Variants in GIGYF2 observed in about 807,000 individuals in gnomAD.
The protein encoded by GIGYF2 is GRB10-interacting GYF protein 2.
A neutral mutation model predicts 208.1 loss-of-function variants in GIGYF2; 25 were observed. The ratio of observed to expected loss-of-function variants is 0.12; its 90% CI spans 0.09 to 0.17. The LOEUF (loss-of-function observed/expected upper bound fraction) is 0.17. Among genes scored for constraint, GIGYF2 ranks in the 10% least tolerant of loss-of-function variants. GIGYF2 has a pLI of 1.00. For missense variants in GIGYF2, 1,302 were observed against 1,579.4 expected (o/e 0.82, Z 2.98); for synonymous variants, 534 against 543.8 (o/e 0.98, Z 0.25).
At chr2:232,848,664 CA>C (rs35960683) in intron 27 of GIGYF2, among the ~76,000 whole-genome samples, 25,000 of 151,958 alleles carry the variant, frequency 0.16, 2,610 homozygotes, top group Non-Finnish European at 0.22. Flanking sequence ...AAATCATTAA[CA>C]AAAAGCACAA....
intron 28 of GIGYF2, among the ~76,000 whole-genome samples, chr2:232,855,458 G>T (rs1186579226): frequency 1.3e-5 from 2 of 152,160 alleles, no homozygotes; most frequent in Non-Finnish European, 2.9e-5. Flanking sequence ...TTCCCTTTTG[G>T]TTAATCAAAC....
Position 232,760,245 on chromosome 2 carries a change from CTATTG to C in GIGYF2, c.380-234_380-230del. On this transcript the variant is annotated intron_variant, in intron 6 of 28. Transcript: ENST00000373563. The stretch of plus-strand genomic sequence containing the variant: ...GATACTTTCTTGTTCAGGACTGGGT[CTATTG>C]CATTATATTATGTTAGTTTTTTTAA... 6.4e-6 allele frequency: 3 copies of C among 468,286 alleles called. No individual in the cohort carries two copies. In the South Asian group the frequency reaches 7.1e-5, roughly 11 times the overall value. 29.0% of individuals were successfully genotyped at this position (468,286 alleles called of 1,614,324 possible). A position where few individuals can be genotyped will look rare whatever the true frequency, so the allele number is the denominator to read the frequency against.
chr2:232,757,288 C>T (rs1698585849), intron 6 of GIGYF2, among the ~76,000 whole-genome samples: 1 of 151,912 alleles, frequency 6.6e-6, no homozygotes, highest in Non-Finnish European at 1.5e-5. Flanking sequence ...AAAGTCTCCA[C>T]TTGTTTTGCT....
At chr2:232,816,782 A>G in intron 19 of GIGYF2, 89 bp from the exon 20 acceptor site, 3 of 969,840 alleles carry the variant, frequency 3.1e-6, no homozygotes, top group Non-Finnish European at 5.0e-6. Flanking sequence ...CAAGCAGCTG[A>G]TTGAATGAAC....
intron 21 of GIGYF2, among the ~76,000 whole-genome samples, chr2:232,828,970 A>G (rs1032817208): frequency 1.3e-5 from 2 of 152,218 alleles, no homozygotes; most frequent in Non-Finnish European, 2.9e-5. Context: ...AATGACAATT[A>G]GGTCAGGGTG....
At chr2:232,739,242 T>C (rs527337717) in intron 3 of GIGYF2, among the ~76,000 whole-genome samples, 1 of 151,542 alleles carries the variant, frequency 6.6e-6, no homozygotes, top group East Asian at 2.0e-4. Context: ...CCTGTAATTC[T>C]AGCTACTCAA....
intron 5 of GIGYF2, among the ~76,000 whole-genome samples, chr2:232,755,644 C>A (rs767040990): frequency 9.2e-5 from 14 of 152,142 alleles, no homozygotes; most frequent in Non-Finnish European, 2.1e-4. Flanking sequence ...ATTAAGTATT[C>A]CCTTCGTCTT....
intron 2 of GIGYF2, among the ~76,000 whole-genome samples, chr2:232,707,904 C>G (rs1465260066): frequency 6.6e-6 from 1 of 152,006 alleles, no homozygotes; most frequent in Non-Finnish European, 1.5e-5. Context: ...TCCCAAAGTG[C>G]TAGGATTATA....
At chr2:232,725,484 T>G (rs1159844824) in intron 2 of GIGYF2, among the ~76,000 whole-genome samples, 1 of 152,216 alleles carries the variant, frequency 6.6e-6, no homozygotes, top group African/African-American at 2.4e-5. Flanking sequence ...CTGCTTAACT[T>G]TTCTCTGTGC....
intron 2 of GIGYF2, among the ~76,000 whole-genome samples, chr2:232,703,892 T>G (rs1395372957): frequency 6.6e-6 from 1 of 152,214 alleles, no homozygotes; most frequent in Admixed American, 6.5e-5. Context: ...CTTTTTGTCC[T>G]GCTTTAATTG....
In GIGYF2 at chr2:232,847,350, C is replaced by A. The variant is rs200216092; in HGVS notation, c.3463C>A (p.Pro1155Thr). 8.6e-5 allele frequency: 138 copies of A among 1,610,764 alleles called. 1 individual carries two copies. The East Asian group carries it at 2.9e-3, about 34-fold the overall frequency. The change falls in exon 27 of 29, where the codon CCC becomes ACC. Residue 1155 changes from proline to threonine, a missense_variant and splice_region_variant. Physicochemically the swap from Pro to Thr is conservative, Grantham distance 38 (BLOSUM62 -1). Coordinates refer to ENST00000373563, the MANE Select transcript of GIGYF2 (RefSeq NM_001103146.3). ...ALNTANNLDV[P>T]TFVSFLKEVE... ...TCTTCTCCCCTCCCGTTTTGCAGTTCCCACATTTGTTTCTTTCCTGAAAGA... is the reference window on the plus strand; with the variant it reads ...TCTTCTCCCCTCCCGTTTTGCAGTTACCACATTTGTTTCTTTCCTGAAAGA...
chr2:232,792,517 C>T (rs879567330), intron 12 of GIGYF2, among the ~76,000 whole-genome samples: 7 of 152,096 alleles, frequency 4.6e-5, no homozygotes, highest in Admixed American at 1.3e-4. Context: ...TGGGGGAGAT[C>T]ACTTGAGCCC....
intron 2 of GIGYF2, among the ~76,000 whole-genome samples, chr2:232,706,430 G>A (rs1359644092): frequency 6.6e-6 from 1 of 152,120 alleles, no homozygotes; most frequent in Non-Finnish European, 1.5e-5. Context: ...GATCACTTGA[G>A]CCCAGGAGTT....
At chr2:232,830,083 C>G (rs1160631513) in intron 21 of GIGYF2, among the ~76,000 whole-genome samples, 1 of 152,114 alleles carries the variant, frequency 6.6e-6, no homozygotes, top group African/African-American at 2.4e-5. Flanking sequence ...GGGGCTCAAG[C>G]GATCCTCCTG....
intron 21 of GIGYF2, among the ~76,000 whole-genome samples, chr2:232,831,928 C>T (rs1355875227): frequency 1.3e-5 from 2 of 152,206 alleles, no homozygotes; most frequent in Non-Finnish European, 2.9e-5. Context: ...CTAGTTAACA[C>T]TGGAAGCTTA....
chr2:232,814,225 CA>C (rs1559451715), intron 18 of GIGYF2, among the ~76,000 whole-genome samples: 1 of 152,048 alleles, frequency 6.6e-6, no homozygotes, highest in Non-Finnish European at 1.5e-5. Context: ...TTAACACAAA[CA>C]TTTTTTTCAT....
intron 8 of GIGYF2, among the ~76,000 whole-genome samples, chr2:232,778,261 G>A (rs1353387493): frequency 6.6e-6 from 1 of 152,148 alleles, no homozygotes; most frequent in African/African-American, 2.4e-5. Context: ...TAGTAGGCAA[G>A]ACAGTTAAGG....
chr2:232,711,030 T>C (rs1407690183), intron 2 of GIGYF2, among the ~76,000 whole-genome samples: 1 of 151,948 alleles, frequency 6.6e-6, no homozygotes, highest in Non-Finnish European at 1.5e-5. Flanking sequence ...GTCAGTGATA[T>C]TGTATGCCCT....
At chr2:232,720,795 A>G (rs1006354684) in intron 2 of GIGYF2, among the ~76,000 whole-genome samples, 2 of 151,970 alleles carry the variant, frequency 1.3e-5, no homozygotes, top group Non-Finnish European at 2.9e-5. Context: ...GGGTTTTGCC[A>G]TGTTGGCCAG....
Sources: allele counts gnomAD v4.1 joint callset (sites outside exome capture counted in the v4.1 genomes callset), GRCh38; gene constraint gnomAD v4.1.1; transcripts MANE v1.5; gene names NCBI Gene and HGNC (gene_info 2026-07-23, HGNC 2026-07-21).